CCND3: variants seen among roughly 807,000 people sequenced by gnomAD.
The protein encoded by CCND3 is G1/S-specific cyclin-D3.
In CCND3, 9 loss-of-function variants were observed where a neutral mutation model predicts 28.7. The ratio of observed to expected loss-of-function variants is 0.31; its 90% confidence interval spans 0.19 to 0.55. The LOEUF (loss-of-function observed/expected upper bound fraction) is 0.55. Ranked by LOEUF, CCND3 falls within the 20% of genes least tolerant of loss-of-function variation. The pLI is 0.93. For synonymous variants in CCND3, 164 were observed against 163.9 expected (o/e 1.00, Z 0.00); for missense variants, 315 against 385.8 (o/e 0.82, Z 1.54).
chr6:41,998,012 C>T (rs986232321), intron 1 of CCND3, among the ~76,000 whole-genome samples: 3 of 150,838 alleles, frequency 2.0e-5, no homozygotes, highest in Non-Finnish European at 2.9e-5. Context: ...AAAAATTAGC[C>T]GGGCGTGGTG....
intron 1 of CCND3, among the ~76,000 whole-genome samples, chr6:41,996,380 C>T (rs1442143389): frequency 2.6e-5 from 4 of 151,550 alleles, no homozygotes; most frequent in Non-Finnish European, 5.9e-5. Context: ...GAACTCCTGA[C>T]CTCAAGTGAT....
chr6:41,955,627 G>A lies in CCND3; in HGVS notation c.-45-15042C>T, dbSNP rs566535083. ...GACACATTAAAAGTAAACCAGGCAA[G>A]CCGGCATGGTGACCCTATCTCTACA... is the stretch of plus-strand genomic sequence containing the variant. On this transcript the variant is annotated intron_variant, in intron 1 of 4. Coordinates refer to the CCND3 transcript ENST00000372988. Among the ~76,000 whole-genome samples the A allele has an allele frequency of 1.5e-4, 21 of 142,088 alleles. 1 individual carries two copies. In the South Asian group the frequency reaches 4.8e-3, roughly 33 times the overall value. The allele number at this position is 142,088 out of a possible 152,430, so 93.2% of individuals were successfully genotyped here.
At chr6:41,979,086 G>C (rs1271020172) in intron 1 of CCND3, among the ~76,000 whole-genome samples, 2 of 142,818 alleles carry the variant, frequency 1.4e-5, no homozygotes, top group South Asian at 4.4e-4. Context: ...CAGGAGAATC[G>C]CTTGAACCCA....
rs200084945 is a variant in CCND3, at chr6:42,024,417, AT to A, written c.-46+24083del. Among the ~76,000 whole-genome samples, 16 of 118,990 alleles carry A rather than the reference AT, an allele frequency of 1.3e-4. 1 individual carries two copies. The highest frequency in any genetic ancestry group is 2.4e-4 in the Admixed American group (3 of 12,446). The allele number at this position is 118,990 out of a possible 152,430, so 78.1% of individuals were successfully genotyped here. On this transcript the variant is annotated intron_variant, in intron 1 of 4. Transcript: ENST00000372988. ...GACTCAGTCTCAAAAAAAAAAAATA[AT>A]AATAATTCACCCTGATAACACAGCT...
rs1384561336 is a variant in CCND3 at position 42,044,955 on chromosome 6, AC to A, written c.-46+3545del. On this transcript the variant is annotated intron_variant, in intron 1 of 4. Coordinates refer to the CCND3 transcript ENST00000372988. ...AGGCCCGTGCGACCACGCCCGGCTA[AC>A]GTTTTTTTTTTTTTTTTTTTTGTAT... Among the ~76,000 whole-genome samples the A allele has an allele frequency of 6.2e-4, 53 of 85,740 alleles. 2 individuals are homozygous for A. The highest frequency in any genetic ancestry group is 5.3e-3 in the Admixed American group (41 of 7,668). 56.2% of individuals were successfully genotyped at this position (85,740 alleles called of 152,430 possible). A position where few individuals can be genotyped will look rare whatever the true frequency, so the allele number is the denominator to read the frequency against.
chr6:42,023,838 G>C (rs1260224050), intron 1 of CCND3, among the ~76,000 whole-genome samples: 1 of 152,156 alleles, frequency 6.6e-6, no homozygotes, highest in Non-Finnish European at 1.5e-5. Flanking sequence ...GACTGACTCT[G>C]AAGGTTTTAT....
intron 1 of CCND3, 92 bp from the exon 2 acceptor site, chr6:41,940,677 G>T (rs959893237): frequency 2.9e-5 from 26 of 895,486 alleles, no homozygotes; most frequent in Non-Finnish European, 4.6e-5. Context: ...GGGATAGGGA[G>T]CAAAAACGGC....
At chr6:42,033,024 C>T (rs940819045) in intron 1 of CCND3, among the ~76,000 whole-genome samples, 3 of 152,110 alleles carry the variant, frequency 2.0e-5, no homozygotes, top group Non-Finnish European at 2.9e-5. Context: ...AATGGCAAGT[C>T]GTTTTACTGT....
chr6:41,943,103 C>A (rs1361921554), upstream of CCND3, among the ~76,000 whole-genome samples: 2 of 152,026 alleles, frequency 1.3e-5, no homozygotes, highest in Non-Finnish European at 2.9e-5. Context: ...ACCTCGTGAT[C>A]CGCCGGTCTC....
intron 1 of CCND3, among the ~76,000 whole-genome samples, chr6:41,962,660 G>T (rs1401500052): frequency 6.6e-6 from 1 of 152,224 alleles, no homozygotes; most frequent in Non-Finnish European, 1.5e-5. Flanking sequence ...TAGGTGGGAA[G>T]ATTACTTGAG....
intron 3 of CCND3, 100 bp downstream of exon 3, chr6:41,937,135 A>G (rs776305334): frequency 7.4e-7 from 1 of 1,351,270 alleles, no homozygotes; most frequent in South Asian, 1.2e-5. Flanking sequence ...AATTTTCACA[A>G]AGGAATTTTG....
intron 1 of CCND3, among the ~76,000 whole-genome samples, chr6:42,024,658 C>T (rs896234778): frequency 3.3e-5 from 5 of 152,088 alleles, no homozygotes; most frequent in African/African-American, 9.7e-5. Context: ...TGGTGGCTCA[C>T]GCTTGTAATT....
At chr6:42,032,286 T>C (rs1235100301) in intron 1 of CCND3, among the ~76,000 whole-genome samples, 1 of 151,974 alleles carries the variant, frequency 6.6e-6, no homozygotes, top group African/African-American at 2.4e-5. Context: ...GGGGCCTTGC[T>C]ATGTTGTCCA....
rs1430360521 is a variant in CCND3, at chr6:42,007,351, T to C, written c.-46+41150A>G. 2.6e-5 allele frequency among the ~76,000 whole-genome samples: 4 copies of C among 152,186 alleles called. No homozygotes were observed. In the East Asian group the frequency reaches 5.8e-4, roughly 22 times the overall value. On this transcript the variant is annotated intron_variant, in intron 1 of 4. Transcript: ENST00000372988. ...ACAGCTTGATAGATGGGCGGGTGGA[T>C]GGCCATGAGGGTGGCTAGTAAGGCC...
chr6:41,962,844 G>A (rs957719099), intron 1 of CCND3, among the ~76,000 whole-genome samples: 23 of 152,094 alleles, frequency 1.5e-4, no homozygotes, highest in Admixed American at 1.4e-3. Flanking sequence ...TCCACCTCCC[G>A]GGTTCAAGCG....
chr6:42,049,693 G>A (rs916836513), upstream of CCND3: 7 of 152,308 alleles, frequency 4.6e-5, no homozygotes, highest in African/African-American at 1.4e-4. Context: ...GCAGCAGGAT[G>A]CAGCGATAGA....
intron 1 of CCND3, among the ~76,000 whole-genome samples, chr6:41,982,881 C>CA (rs56117421): frequency 3.0e-4 from 28 of 94,406 alleles, no homozygotes; most frequent in African/African-American, 9.2e-4. Context: ...CATCCACATG[C>CA]AAAAAAAAAA....
intron 1 of CCND3, among the ~76,000 whole-genome samples, chr6:41,976,979 C>T (rs5021883): frequency 0.99 from 151,339 of 152,246 alleles, 75,227 homozygotes; most frequent in Middle Eastern, 1. Context: ...TGCAAAGAAC[C>T]GTACAACAGT....
chr6:41,984,281 A>G (rs909719372), intron 1 of CCND3, among the ~76,000 whole-genome samples: 4 of 152,176 alleles, frequency 2.6e-5, no homozygotes, highest in African/African-American at 9.6e-5. Context: ...GGACATACGG[A>G]TTTGATTTCC....
Sources: gnomAD v4.1 joint callset for allele counts (sites outside exome capture counted in the v4.1 genomes callset) on GRCh38, gnomAD v4.1.1 for gene constraint, MANE v1.5 for transcripts, NCBI Gene and HGNC (gene_info 2026-07-23, HGNC 2026-07-21) for gene names.